The following USP39 variants were observed in gnomAD, a reference collection of about 807,000 sequenced individuals.
USP39 encodes ubiquitin specific peptidase 39.
A neutral mutation model predicts 66.4 loss-of-function variants in USP39; 38 were observed. The ratio of observed to expected loss-of-function variants is 0.57; its 90% CI spans 0.44 to 0.75. The LOEUF is 0.75. Among genes scored for constraint, USP39 ranks in the 30% least tolerant of loss-of-function variants. The pLI, the probability that USP39 is intolerant of heterozygous loss-of-function variation, is 0.00. For synonymous variants in USP39, 303 were observed against 274.6 expected (o/e 1.10, Z -1.02); for missense variants, 608 against 714.4 (o/e 0.85, Z 1.70).
At chr2:85,641,907 T>TAAAAAAAAAAA in intron 10 of USP39, among the ~76,000 whole-genome samples, 1 of 91,332 alleles carries the variant, frequency 1.1e-5, no homozygotes, top group African/African-American at 4.0e-5. Context: ...GTGACTGTGC[T>TAAAAAAAAAAA]AAAAAAAAAA....
At chr2:85,643,448 A>G (rs1676403778) in intron 10 of USP39, among the ~76,000 whole-genome samples, 1 of 151,828 alleles carries the variant, frequency 6.6e-6, no homozygotes, top group South Asian at 2.1e-4. Context: ...TGAGATAGCT[A>G]GCGCCATTGC....
upstream of USP39, chr2:85,616,031 A>G: frequency 7.9e-7 from 1 of 1,259,822 alleles, no homozygotes; most frequent in Non-Finnish European, 1.0e-6. Flanking sequence ...AGAGGAAGCC[A>G]GTGCAGGAAC....
In USP39 at chr2:85,619,214, T is replaced by C; in HGVS notation, c.269-6T>C. ...TTTTCAAAGCCTGTGATGATTTTCC[T>C]TTCAGCAAAGAATGGCCGAGTGGAT... On this transcript the variant is annotated splice_region_variant and splice_polypyrimidine_tract_variant and intron_variant, in intron 1 of 12. Transcript: ENST00000323701. 6.2e-7 allele frequency: 1 copy of C among 1,613,946 alleles called. No homozygotes were observed.
At chr2:85,611,682 A>T (rs1040001165), upstream of USP39, 27 of 1,569,650 alleles carry the variant, frequency 1.7e-5, no homozygotes, top group Middle Eastern at 3.3e-4. Context: ...GTGTCGCGGC[A>T]GGTACACCTG....
At chr2:85,635,281 T>A (rs981526417) in intron 6 of USP39, among the ~76,000 whole-genome samples, 7 of 152,144 alleles carry the variant, frequency 4.6e-5, no homozygotes. Context: ...ATTATCTGGC[T>A]GGGCGCAGTG....
chr2:85,623,856 A>G, intron 4 of USP39, 74 bp downstream of exon 4: 1 of 1,472,296 alleles, frequency 6.8e-7, no homozygotes, highest in Non-Finnish European at 9.1e-7. Context: ...GGACTGCCCC[A>G]CCTGAGGACA....
upstream of USP39, chr2:85,616,098 A>T (rs1387182954): frequency 5.2e-6 from 7 of 1,350,688 alleles, no homozygotes; most frequent in Non-Finnish European, 6.7e-6. Flanking sequence ...ACTCGTAGAG[A>T]GTTCGGGGCT....
At chr2:85,624,255 T>A (rs1674680389) in intron 4 of USP39, among the ~76,000 whole-genome samples, 1 of 152,120 alleles carries the variant, frequency 6.6e-6, no homozygotes, top group Non-Finnish European at 1.5e-5. Context: ...GCATGGAAAG[T>A]CCTCTTGGGT....
chr2:85,637,248 G>A (rs991243473), intron 7 of USP39, 121 bp from the exon 8 acceptor site: 1 of 993,408 alleles, frequency 1.0e-6, no homozygotes, highest in South Asian at 1.4e-5. Flanking sequence ...TGTGTTTAGT[G>A]AGAGCTCTGT....
chr2:85,631,592 G>C (rs556501702), intron 6 of USP39, among the ~76,000 whole-genome samples: 1 of 152,264 alleles, frequency 6.6e-6, no homozygotes, highest in East Asian at 1.9e-4. Context: ...TAGCTGAATA[G>C]AAAGTCGGTC....
At chr2:85,604,903 C>T (rs574605840) in intron 1 of USP39, among the ~76,000 whole-genome samples, 18 of 152,270 alleles carry the variant, frequency 1.2e-4, no homozygotes, top group East Asian at 1.9e-4. Flanking sequence ...AGTCCAGATC[C>T]GGGACATGAG....
Position 85,630,744 on chromosome 2 carries a change from C to A in USP39, c.747C>A (p.Leu249=), listed in dbSNP as rs1675255181. The A allele has an allele frequency of 1.2e-6, 2 of 1,614,160 alleles. No individual in the cohort carries two copies. Among genetic ancestry groups the A allele is most frequent in the African/African-American group, 2.7e-5 (2 of 75,040 alleles). Residue 249 remains leucine (L), a synonymous_variant, in exon 6 of 13, where the codon CTC becomes CTA. Transcript: ENST00000323701. ...AGGCTCTATCTAATGTTCCTCCTCT[C>A]CGGAACTACTTTCTGGAAGAAGACA... is the stretch of plus-strand genomic sequence containing the variant. ...VLQALSNVPP[L]RNYFLEEDNY...
At chr2:85,609,431 G>A, upstream of USP39, 2 of 1,613,866 alleles carry the variant, frequency 1.2e-6, no homozygotes, top group South Asian at 1.1e-5. Context: ...TCCACCAGGC[G>A]TACCTGATAG....
upstream of USP39, chr2:85,612,161 C>CG: frequency 1.1e-6 from 1 of 888,734 alleles, no homozygotes; most frequent in Non-Finnish European, 1.7e-6. Context: ...CTGGTCGGGT[C>CG]GGGTGGAGTA....
chr2:85,621,351 T>G, intron 2 of USP39, 134 bp from the exon 3 acceptor site: 2 of 668,646 alleles, frequency 3.0e-6, no homozygotes, highest in Non-Finnish European at 2.6e-6. Context: ...GTGTCCCCCA[T>G]GGTGTATATA....
intron 6 of USP39, among the ~76,000 whole-genome samples, chr2:85,635,452 C>T (rs1675693219): frequency 6.6e-6 from 1 of 152,060 alleles, no homozygotes; most frequent in South Asian, 2.1e-4. Flanking sequence ...CCCAGCTACT[C>T]AGGAGACTGA....
At chr2:85,631,729 A>G (rs1031495619) in intron 6 of USP39, among the ~76,000 whole-genome samples, 2 of 151,638 alleles carry the variant, frequency 1.3e-5, no homozygotes, top group Non-Finnish European at 2.9e-5. Context: ...TTCTGATGAT[A>G]TTTTTGTTTT....
chr2:85,616,146 C>T (rs1462840911), upstream of USP39: 2 of 1,402,514 alleles, frequency 1.4e-6, no homozygotes, highest in Admixed American at 3.1e-5. Context: ...TTGTGCCGCG[C>T]GCTCGAGCGT....
intron 9 of USP39, 64 bp downstream of exon 9, chr2:85,639,455 T>TC: frequency 3.9e-6 from 1 of 258,354 alleles, no homozygotes; most frequent in Non-Finnish European, 5.9e-6. Flanking sequence ...TTTCATTTTC[T>TC]TTTTTTTTTT....
Sources: gnomAD v4.1 joint callset for allele counts (sites outside exome capture counted in the v4.1 genomes callset) on GRCh38, gnomAD v4.1.1 for gene constraint, MANE v1.5 for transcripts, NCBI Gene and HGNC (gene_info 2026-07-23, HGNC 2026-07-21) for gene names.